The following EYA2 variants were observed in gnomAD, a reference collection of about 807,000 sequenced individuals.
EYA2 encodes the protein EYA transcriptional coactivator and phosphatase 2.
In EYA2, 31 loss-of-function variants were observed where a neutral mutation model predicts 69.2. That is an observed-to-expected ratio of 0.45 (90% CI 0.34 to 0.60). The LOEUF is 0.60. Ranked by LOEUF, EYA2 falls within the 20% of genes least tolerant of loss-of-function variation. The pLI, the probability that EYA2 is intolerant of heterozygous loss-of-function variation, is 0.02. For missense variants in EYA2, 622 were observed against 701.2 expected (o/e 0.89, Z 1.28); for synonymous variants, 257 against 279.4 (o/e 0.92, Z 0.80).
At chr20:47,104,661 G>A (rs184402564) in intron 9 of EYA2, among the ~76,000 whole-genome samples, 271 of 152,246 alleles carry the variant, frequency 1.8e-3, no homozygotes, top group Non-Finnish European at 1.9e-3. Context: ...CTATCAAGTC[G>A]TCCCAGTAGC....
chr20:46,911,746 G>A (rs1168496799), intron 1 of EYA2, among the ~76,000 whole-genome samples: 3 of 152,098 alleles, frequency 2.0e-5, no homozygotes, highest in South Asian at 2.1e-4. Context: ...TGGAAAACTC[G>A]ATCTCGTGGA....
intron 9 of EYA2, among the ~76,000 whole-genome samples, chr20:47,099,192 C>T (rs911213254): frequency 9.8e-5 from 15 of 152,354 alleles, no homozygotes; most frequent in African/African-American, 3.6e-4. Flanking sequence ...AATTCCCTTC[C>T]ATTAAGCGTT....
intron 9 of EYA2, among the ~76,000 whole-genome samples, chr20:47,110,145 C>T (rs760772148): frequency 6.6e-5 from 10 of 152,196 alleles, no homozygotes; most frequent in Non-Finnish European, 8.8e-5. Flanking sequence ...TACTCATTTC[C>T]AGAGAAACTG....
At chr20:47,064,443 C>G (rs78120020) in intron 5 of EYA2, among the ~76,000 whole-genome samples, 2,122 of 152,344 alleles carry the variant, frequency 0.014, 21 homozygotes, top group South Asian at 0.025. Context: ...CTCCTGTGAA[C>G]TTTTGCATAC....
At position 46,903,949 on chromosome 20, in the gene EYA2, G is replaced by T. The variant is rs531550364; in HGVS notation, c.-11+8962G>T. Among the ~76,000 whole-genome samples, 9 of 152,322 alleles carry T rather than the reference G, an allele frequency of 5.9e-5. No individual in the cohort carries two copies. In the East Asian group the frequency reaches 1.7e-3, roughly 29 times the overall value. Reference sequence around the variant, plus strand: ...TGCCTGCCTCCATTCAATGTTCAATGAGCTAGCTATTGAGATTATGGGGAA... The same window carrying T: ...TGCCTGCCTCCATTCAATGTTCAATTAGCTAGCTATTGAGATTATGGGGAA... On this transcript the variant is annotated intron_variant, in intron 1 of 15. Coordinates refer to ENST00000327619, the MANE Select transcript of EYA2 (RefSeq NM_005244.5).
chr20:46,931,488 A>T (rs1985664564), intron 1 of EYA2, among the ~76,000 whole-genome samples: 1 of 152,140 alleles, frequency 6.6e-6, no homozygotes, highest in African/African-American at 2.4e-5. Context: ...TTTGGCTCTC[A>T]GTTTTCTTCT....
intron 1 of EYA2, among the ~76,000 whole-genome samples, chr20:46,940,623 A>G (rs1986114052): frequency 6.6e-6 from 1 of 152,266 alleles, no homozygotes. Flanking sequence ...ACCAAGGCCC[A>G]GGTCTGTGGG....
At chr20:47,172,940 T>TGCCAGGC (rs1052699249) in intron 12 of EYA2, 73 bp downstream of exon 12, 13 of 1,505,860 alleles carry the variant, frequency 8.6e-6, no homozygotes, top group Non-Finnish European at 1.1e-5. Context: ...GTCCCTGCTG[T>TGCCAGGC]GCCAGGCGCC....
intron 1 of EYA2, among the ~76,000 whole-genome samples, chr20:46,899,384 A>G (rs1391415762): frequency 6.6e-6 from 1 of 152,226 alleles, no homozygotes; most frequent in African/African-American, 2.4e-5. Context: ...ACACAAATAC[A>G]AACCTCTGTG....
chr20:47,064,111 A>C (rs1184343484), intron 5 of EYA2, among the ~76,000 whole-genome samples: 2 of 152,120 alleles, frequency 1.3e-5, no homozygotes, highest in African/African-American at 4.8e-5. Flanking sequence ...ATGCATCACC[A>C]TGCCCGGTTA....
chr20:47,161,517 A>G, intron 10 of EYA2: 1 of 433,156 alleles, frequency 2.3e-6, no homozygotes, highest in Admixed American at 2.7e-5. Context: ...CATGTCCTTG[A>G]CCAGGTGGCC....
At chr20:47,119,651 G>T (rs6124946) in intron 9 of EYA2, among the ~76,000 whole-genome samples, 1 of 152,012 alleles carries the variant, frequency 6.6e-6, no homozygotes, top group Admixed American at 6.5e-5. Context: ...ACTAGGGACT[G>T]GGGGTAGTGG....
At chr20:47,054,042 T>C (rs1483139944) in intron 5 of EYA2, among the ~76,000 whole-genome samples, 1 of 152,136 alleles carries the variant, frequency 6.6e-6, no homozygotes, top group Non-Finnish European at 1.5e-5. Context: ...GTCATGAGGA[T>C]TAAATTAATT....
intron 15 of EYA2, among the ~76,000 whole-genome samples, chr20:47,186,348 CTTTTTTTTTT>C (rs765874138): frequency 4.1e-5 from 3 of 72,294 alleles, no homozygotes; most frequent in East Asian, 3.8e-4. Context: ...AGCACTTATT[CTTTTTTTTTT>C]TTTTTTTTTT....
chr20:47,090,803 A>G (rs1361142776), intron 8 of EYA2, among the ~76,000 whole-genome samples: 1 of 152,224 alleles, frequency 6.6e-6, no homozygotes, highest in Non-Finnish European at 1.5e-5. Context: ...AGTATTGGCC[A>G]GGTACTGACA....
intron 9 of EYA2, among the ~76,000 whole-genome samples, chr20:47,108,710 T>C (rs953930391): frequency 1.3e-5 from 2 of 152,062 alleles, no homozygotes; most frequent in African/African-American, 4.8e-5. Flanking sequence ...TAGCTGAGAC[T>C]ACAGGTGCAC....
intron 1 of EYA2, among the ~76,000 whole-genome samples, chr20:46,916,466 G>A (rs1465650611): frequency 6.6e-6 from 1 of 152,130 alleles, no homozygotes; most frequent in Non-Finnish European, 1.5e-5. Flanking sequence ...TTGTGTGTGT[G>A]TGTATCTGAG....
chr20:46,926,412 G>C (rs1319857717), intron 1 of EYA2, among the ~76,000 whole-genome samples: 2 of 152,124 alleles, frequency 1.3e-5, no homozygotes, highest in African/African-American at 2.4e-5. Flanking sequence ...AGAAACTAAT[G>C]GTATCAATCA....
intron 4 of EYA2, among the ~76,000 whole-genome samples, chr20:47,015,202 C>T (rs1162044457): frequency 6.6e-6 from 1 of 152,168 alleles, no homozygotes; most frequent in Admixed American, 6.5e-5. Context: ...GGAAGAGACT[C>T]TTTGCTTTAT....
Sources: gnomAD v4.1 joint callset for allele counts (sites outside exome capture counted in the v4.1 genomes callset) on GRCh38, gnomAD v4.1.1 for gene constraint, MANE v1.5 for transcripts, NCBI Gene and HGNC (gene_info 2026-07-23, HGNC 2026-07-21) for gene names.